The following SPEF2 variants were observed in gnomAD, a reference collection of about 807,000 sequenced individuals.
The protein encoded by SPEF2 is sperm flagellar and cilia associated 2, also known as sperm flagella and cilia-associated protein 2.
SPEF2 carries 187 observed loss-of-function variants against 224.6 expected under a neutral mutation model. The observed-to-expected ratio is 0.83, with a 90% confidence interval of 0.74 to 0.94. SPEF2 has a LOEUF of 0.94. SPEF2 is among the 40% of genes least tolerant of loss of function. The probability of loss-of-function intolerance (pLI) is 0.00; values close to 1 mark genes in which losing one functional copy is unlikely to be tolerated. For missense variants in SPEF2, 2,170 were observed against 2,135.6 expected (o/e 1.02, Z -0.32); for synonymous variants, 715 against 707.3 (o/e 1.01, Z -0.17).
intron 30 of SPEF2, chr5:35,781,659 A>C (rs760786268): frequency 1.3e-5 from 2 of 150,934 alleles, no homozygotes; most frequent in Non-Finnish European, 2.9e-5. Context: ...TTACAAGGCT[A>C]TACAATACGG....
chr5:35,620,051 T>C (rs1743289172), intron 1 of SPEF2, among the ~76,000 whole-genome samples: 1 of 152,166 alleles, frequency 6.6e-6, no homozygotes, highest in Admixed American at 6.6e-5. Context: ...TAATCTCAAC[T>C]ACTATAAGAG....
Position 35,800,105 on chromosome 5 carries a change from T to G in SPEF2, c.4968T>G (p.His1656Gln). 6.2e-7 allele frequency: 1 copy of G among 1,614,102 alleles called. No individual in the cohort carries two copies. ...CCCTCAGTGTGGCTGTTGGAACTCA[T>G]GTCTTCCAACAAGTCAAAGCTTCCA... Reference protein sequence around the residue: ...YRALSVAVGTHVFQQVKASIP... With the variant: ...YRALSVAVGTQVFQQVKASIP... Residue 1656 changes from histidine (H) to glutamine (Q), a missense_variant, in exon 34 of 37, where the codon CAT (histidine) becomes CAG (glutamine). Physicochemically the swap from His to Gln is conservative, Grantham distance 24 (BLOSUM62 0). Transcript: ENST00000356031.
intron 10 of SPEF2, chr5:35,678,593 G>A (rs1394676335): frequency 6.6e-6 from 1 of 152,220 alleles, no homozygotes; most frequent in Admixed American, 6.5e-5. Context: ...CTGACTGGAG[G>A]TCAAGTGACT....
chr5:35,631,004 G>A (rs1367045211), intron 2 of SPEF2, among the ~76,000 whole-genome samples: 1 of 152,174 alleles, frequency 6.6e-6, no homozygotes, highest in Non-Finnish European at 1.5e-5. Context: ...TAGATGCTCA[G>A]CATCATTAGT....
At chr5:35,709,529 A>G (rs1325107487) in intron 19 of SPEF2, 2 of 988,594 alleles carry the variant, frequency 2.0e-6, no homozygotes, top group Non-Finnish European at 2.4e-6. Flanking sequence ...CCACCAGAAT[A>G]AGGGAACAAA....
rs1752128831 is a variant in SPEF2, at chr5:35,766,617, C to A, written c.3801+2915C>A. On this transcript the variant is annotated intron_variant, in intron 26 of 36. Coordinates refer to ENST00000356031, the MANE Select transcript of SPEF2 (RefSeq NM_024867.4). The stretch of plus-strand genomic sequence containing the variant: ...CCAATGACTGACTTTTAACTTCATT[C>A]ATTTATTTTACTATGTGTCTTTTTT... Among the ~76,000 whole-genome samples the A allele has an allele frequency of 2.0e-5, 3 of 151,780 alleles. No homozygotes were observed. In the South Asian group the frequency reaches 6.2e-4, roughly 32 times the overall value.
In SPEF2 at chr5:35,736,210, A is replaced by T. The variant is rs189768608; in HGVS notation, c.3064-3709A>T. 3.3e-3 allele frequency among the ~76,000 whole-genome samples: 496 copies of T among 152,344 alleles called. 3 individuals carry two copies. Among genetic ancestry groups the T allele is most frequent in the Non-Finnish European group, 4.4e-3 (301 of 68,030 alleles). ...TGCAGTCTTTTTTACATTATTTATT[A>T]AATAAAATGGATACCCTTTACAGAT... On this transcript the variant is annotated intron_variant, in intron 21 of 36. Coordinates refer to ENST00000356031, the MANE Select transcript of SPEF2 (RefSeq NM_024867.4).
chr5:35,758,499 C>T (rs1750761058), intron 24 of SPEF2, among the ~76,000 whole-genome samples: 1 of 152,132 alleles, frequency 6.6e-6, no homozygotes, highest in African/African-American at 2.4e-5. Flanking sequence ...ATGCATACCA[C>T]AAAAGGAAAT....
At chr5:35,620,953 G>T (rs940502500) in intron 1 of SPEF2, among the ~76,000 whole-genome samples, 2 of 152,142 alleles carry the variant, frequency 1.3e-5, no homozygotes, top group Admixed American at 1.3e-4. Context: ...AATTGTGGAA[G>T]GATATAAACA....
intron 18 of SPEF2, among the ~76,000 whole-genome samples, chr5:35,708,674 T>C (rs1043689067): frequency 1.6e-5 from 2 of 124,724 alleles, no homozygotes; most frequent in South Asian, 2.7e-4. Context: ...ACCAGCACCA[T>C]CACCACCTCT....
At chr5:35,668,484 T>C (rs550344722) in intron 9 of SPEF2, among the ~76,000 whole-genome samples, 2 of 152,100 alleles carry the variant, frequency 1.3e-5, no homozygotes, top group Non-Finnish European at 2.9e-5. Context: ...GATTAGTGAT[T>C]GCCAGGGGCT....
chr5:35,691,356 T>C, intron 11 of SPEF2, 100 bp downstream of exon 11: 1 of 921,714 alleles, frequency 1.1e-6, no homozygotes, highest in Admixed American at 2.7e-5. Context: ...GAAGCACTGC[T>C]GATATGTTGG....
intron 8 of SPEF2, 53 bp from the exon 9 acceptor site, chr5:35,667,019 A>G (rs1238909540): frequency 4.0e-6 from 6 of 1,487,800 alleles, no homozygotes; most frequent in Non-Finnish European, 5.4e-6. Context: ...TGATGACATT[A>G]TTTTTATTTG....
chr5:35,645,696 C>T (rs935938061), intron 4 of SPEF2, among the ~76,000 whole-genome samples: 3 of 151,794 alleles, frequency 2.0e-5, no homozygotes, highest in Non-Finnish European at 2.9e-5. Flanking sequence ...TGCAGACAGT[C>T]TCCAAGAATG....
At chr5:35,780,419 A>G (rs1439548263) in intron 30 of SPEF2, among the ~76,000 whole-genome samples, 1 of 152,180 alleles carries the variant, frequency 6.6e-6, no homozygotes, top group Non-Finnish European at 1.5e-5. Flanking sequence ...AGCTCATCAA[A>G]TCAGCTAGAG....
intron 20 of SPEF2, among the ~76,000 whole-genome samples, chr5:35,720,231 C>T (rs891708436): frequency 1.3e-5 from 2 of 152,158 alleles, no homozygotes; most frequent in African/African-American, 4.8e-5. Flanking sequence ...TAGGAGTATA[C>T]CTTGCTTACT....
intron 6 of SPEF2, among the ~76,000 whole-genome samples, chr5:35,654,028 A>G (rs1029605365): frequency 6.6e-6 from 1 of 150,990 alleles, no homozygotes; most frequent in Non-Finnish European, 1.5e-5. Flanking sequence ...TGGAAGGCCA[A>G]GGTGGGCAGA....
intron 34 of SPEF2, among the ~76,000 whole-genome samples, chr5:35,802,220 C>T (rs968721442): frequency 2.6e-5 from 4 of 152,122 alleles, no homozygotes; most frequent in South Asian, 2.1e-4. Context: ...TCAAAGGATC[C>T]GAGGCCTCCC....
At chr5:35,746,855 T>A (rs1164557651) in intron 23 of SPEF2, among the ~76,000 whole-genome samples, 1 of 152,128 alleles carries the variant, frequency 6.6e-6, no homozygotes, top group Non-Finnish European at 1.5e-5. Context: ...AAACATCACC[T>A]AGGCACATTG....
Sources: allele counts gnomAD v4.1 joint callset (sites outside exome capture counted in the v4.1 genomes callset), GRCh38; gene constraint gnomAD v4.1.1; transcripts MANE v1.5; gene names NCBI Gene and HGNC (gene_info 2026-07-23, HGNC 2026-07-21).